ADIPOR2: variants seen among roughly 807,000 people sequenced by gnomAD.
ADIPOR2 encodes the protein adiponectin receptor protein 2.
ADIPOR2 carries 18 observed loss-of-function variants against 40.9 expected under a neutral mutation model. The ratio of observed to expected loss-of-function variants is 0.44; its 90% CI spans 0.30 to 0.65. ADIPOR2 has a LOEUF of 0.65. Ranked by LOEUF, ADIPOR2 falls within the 30% of genes least tolerant of loss-of-function variation. The probability of loss-of-function intolerance (pLI) is 0.09; values close to 1 mark genes in which losing one functional copy is unlikely to be tolerated. For synonymous variants in ADIPOR2, 165 were observed against 166.4 expected, an observed-to-expected ratio of 0.99 and a Z score of 0.06; for missense variants, 283 against 479.2, an observed-to-expected ratio of 0.59 and a Z score of 3.82.
intron 1 of ADIPOR2, among the ~76,000 whole-genome samples, chr12:1,739,965 G>C (rs1276742787): frequency 6.8e-6 from 1 of 147,276 alleles, no homozygotes; most frequent in African/African-American, 2.6e-5. Context: ...AACCGGGCGT[G>C]GTGGCACATG....
intron 1 of ADIPOR2, among the ~76,000 whole-genome samples, chr12:1,749,666 G>A (rs145289342): frequency 6.6e-6 from 1 of 152,198 alleles, no homozygotes; most frequent in East Asian, 1.9e-4. Context: ...CTATTTTGGA[G>A]CTTTGCCTTC....
chr12:1,748,484 G>A (rs1447481593), intron 1 of ADIPOR2, among the ~76,000 whole-genome samples: 2 of 152,010 alleles, frequency 1.3e-5, no homozygotes, highest in Admixed American at 6.6e-5. Context: ...TCCTGACCTT[G>A]TGATCTGCCC....
chr12:1,777,373 T>A (rs903731096), intron 3 of ADIPOR2, among the ~76,000 whole-genome samples: 27 of 112,256 alleles, frequency 2.4e-4, no homozygotes, highest in Non-Finnish European at 4.3e-4. Context: ...AAAAGTATAT[T>A]TTTTCTTTCT....
In ADIPOR2 at chr12:1,729,629, T is replaced by G. The variant is rs1202733930; in HGVS notation, c.-86-24629T>G. Among the ~76,000 whole-genome samples, 11 of 41,072 alleles carry G rather than the reference T, an allele frequency of 2.7e-4. No individual in the cohort carries two copies. The Admixed American group carries it at 5.6e-3, about 21-fold the overall frequency. The allele number at this position is 41,072 out of a possible 152,430, so 26.9% of individuals were successfully genotyped here. ...AGCTCAGCCAGTTGTTTTTTTTTTT[T>G]TTTTTTTTTTTTGAGTGTTTTTTTT... On this transcript the variant is annotated intron_variant, in intron 1 of 7. Coordinates refer to ENST00000357103, the MANE Select transcript of ADIPOR2 (RefSeq NM_024551.3).
chr12:1,692,467 T>C (rs1159083915), intron 1 of ADIPOR2, among the ~76,000 whole-genome samples: 3 of 152,236 alleles, frequency 2.0e-5, no homozygotes, highest in Non-Finnish European at 1.5e-5. Flanking sequence ...TGGTGAATTA[T>C]GAAATTTGAA....
chr12:1,786,164 G>C lies in ADIPOR2; in HGVS notation c.*92G>C, dbSNP rs926924415. The C allele has an allele frequency of 6.6e-7, 1 of 1,513,328 alleles. No homozygotes were observed. The highest frequency in any genetic ancestry group is 8.9e-7 in the Non-Finnish European group (1 of 1,127,406). The allele number at this position is 1,513,328 out of a possible 1,614,324, so 93.7% of individuals were successfully genotyped here. A position where few individuals can be genotyped will look rare whatever the true frequency, so the allele number is the denominator to read the frequency against. On this transcript the variant is annotated 3_prime_UTR_variant, in exon 8 of 8. Transcript: ENST00000357103. ...GGCTACTGATGCCAGTACCAGAGGA[G>C]CCCCAAAACTTTGACAGCCTCGTGG... is the stretch of plus-strand genomic sequence containing the variant.
Position 1,768,995 on chromosome 12 carries a change from A to T in ADIPOR2, c.172-3847A>T, listed in dbSNP as rs1289278523. 3.9e-5 allele frequency among the ~76,000 whole-genome samples: 6 copies of T among 152,156 alleles called. 1 individual carries two copies. Among genetic ancestry groups the T allele is most frequent in the African/African-American group, 1.4e-4 (6 of 41,430 alleles). ...TCACAATGTCATGTTTCTTGTCATA[A>T]TTTTGTTGAGGGTGTGGTAAGGAGT... On this transcript the variant is annotated intron_variant, in intron 2 of 7. Transcript: ENST00000357103.
Position 1,691,125 on chromosome 12 carries a change from C to T in ADIPOR2, c.-153C>T. On this transcript the variant is annotated 5_prime_UTR_variant, in exon 1 of 8. Transcript: ENST00000357103. Reference sequence around the variant, plus strand: ...GCGGCTACACCGGGCTTGGCCCCCTCCCTCCTCCGTTCCCCCCTCCTCCCC... The same window carrying T: ...GCGGCTACACCGGGCTTGGCCCCCTTCCTCCTCCGTTCCCCCCTCCTCCCC... 1 of 158,680 alleles carries T rather than the reference C, an allele frequency of 6.3e-6. No homozygotes were observed. Among genetic ancestry groups the T allele is most frequent in the Non-Finnish European group, 1.4e-5 (1 of 71,900 alleles). 9.8% of individuals were successfully genotyped at this position (158,680 alleles called of 1,614,324 possible). A position where few individuals can be genotyped will look rare whatever the true frequency, so the allele number is the denominator to read the frequency against.
chr12:1,754,191 G>A, intron 1 of ADIPOR2, 67 bp from the exon 2 acceptor site: 1 of 602,286 alleles, frequency 1.7e-6, no homozygotes, highest in East Asian at 3.0e-5. Context: ...TTGGATATGT[G>A]ATAATATAAC....
intron 3 of ADIPOR2, among the ~76,000 whole-genome samples, chr12:1,776,363 A>T (rs1016694032): frequency 3.3e-5 from 5 of 152,126 alleles, no homozygotes. Context: ...TTGTCACAAG[A>T]CCCTGTAGTG....
intron 1 of ADIPOR2, among the ~76,000 whole-genome samples, chr12:1,723,043 C>T (rs1425088643): frequency 1.3e-5 from 2 of 152,096 alleles, no homozygotes; most frequent in Non-Finnish European, 2.9e-5. Flanking sequence ...ATAGAAATTC[C>T]TTTCTTTAAA....
At chr12:1,737,437 C>A (rs1242740893) in intron 1 of ADIPOR2, among the ~76,000 whole-genome samples, 1 of 151,856 alleles carries the variant, frequency 6.6e-6, no homozygotes, top group East Asian at 1.9e-4. Flanking sequence ...TAAGTCATTT[C>A]CCTCTAGAAT....
chr12:1,737,051 A>T (rs946598451), intron 1 of ADIPOR2, among the ~76,000 whole-genome samples: 1 of 152,226 alleles, frequency 6.6e-6, no homozygotes, highest in African/African-American at 2.4e-5. Flanking sequence ...CAGCCATGAG[A>T]CTGAGCAACC....
At chr12:1,756,226 C>G (rs902176836) in intron 2 of ADIPOR2, among the ~76,000 whole-genome samples, 1 of 152,126 alleles carries the variant, frequency 6.6e-6, no homozygotes, top group African/African-American at 2.4e-5. Flanking sequence ...TCTCGGCTCA[C>G]TGCAACCTCC....
chr12:1,777,472 C>T (rs1217648987), intron 3 of ADIPOR2, among the ~76,000 whole-genome samples: 26 of 150,134 alleles, frequency 1.7e-4, no homozygotes, highest in Non-Finnish European at 4.4e-5. Flanking sequence ...CCACAACCTC[C>T]GCCTCCCGGG....
chr12:1,781,341 A>C (rs1862715802), intron 6 of ADIPOR2, among the ~76,000 whole-genome samples: 1 of 152,138 alleles, frequency 6.6e-6, no homozygotes, highest in African/African-American at 2.4e-5. Flanking sequence ...ACTGTTACTT[A>C]CTTGAATTTA....
intron 2 of ADIPOR2, among the ~76,000 whole-genome samples, chr12:1,764,891 CTG>C (rs1386453445): frequency 1.3e-5 from 2 of 151,938 alleles, no homozygotes; most frequent in Admixed American, 6.6e-5. Context: ...TTTTATTGGT[CTG>C]TGTTATTTCT....
chr12:1,777,207 AG>A (rs1862612543), intron 3 of ADIPOR2, among the ~76,000 whole-genome samples: 1 of 16,510 alleles, frequency 6.1e-5, no homozygotes, highest in African/African-American at 1.2e-4. Flanking sequence ...TCAGAGGTAA[AG>A]TCTGTTATAT....
In ADIPOR2 at chr12:1,772,851, G is replaced by A; in HGVS notation, c.181G>A (p.Glu61Lys). The A allele has an allele frequency of 6.2e-7, 1 of 1,611,060 alleles. No individual in the cohort carries two copies. Among genetic ancestry groups the A allele is most frequent in the Non-Finnish European group, 8.5e-7 (1 of 1,178,488 alleles). The change falls in exon 3 of 8, where the codon GAA becomes AAA. Residue 61 changes from glutamate (E) to lysine (K), a missense_variant. By Grantham distance (56) the Glu-to-Lys change is moderately conservative (BLOSUM62 1). This residue lies in a region of ADIPOR2 where 65 missense variants were observed against 79.9 expected (regional missense o/e 0.81). Coordinates refer to ENST00000357103, the MANE Select transcript of ADIPOR2 (RefSeq NM_024551.3). Reference sequence around the variant, plus strand: ...TGTGATTGCCTTGCAGAGCTCTGAGGAACATGAATACAGTGATGAAGCTCC... The same window carrying A: ...TGTGATTGCCTTGCAGAGCTCTGAGAAACATGAATACAGTGATGAAGCTCC... ...LSSHHKKSSEEHEYSDEAPQE... is the reference protein window; with the variant it reads ...LSSHHKKSSEKHEYSDEAPQE...
Sources: gnomAD v4.1 joint callset for allele counts (sites outside exome capture counted in the v4.1 genomes callset) on GRCh38, gnomAD v4.1.1 for gene constraint, gnomAD v4.1.1 regional missense constraint, MANE v1.5 for transcripts, NCBI Gene and HGNC (gene_info 2026-07-23, HGNC 2026-07-21) for gene names.